The following TENM2 variants were observed in gnomAD, a reference collection of about 807,000 sequenced individuals.
TENM2 encodes teneurin-2.
In TENM2, 52 loss-of-function variants were observed where a neutral mutation model predicts 245.2. The observed-to-expected ratio is 0.21, with a 90% CI of 0.17 to 0.27. The LOEUF is 0.27. Among genes scored for constraint, TENM2 ranks in the 10% least tolerant of loss-of-function variants. TENM2 has a pLI of 1.00. For missense variants in TENM2, 3,046 were observed against 3,666.8 expected (o/e 0.83, Z 4.37); for synonymous variants, 1,363 against 1,438.9 (o/e 0.95, Z 1.19).
chr5:167,080,933 AAG>A, the TENM2 span, among the ~76,000 whole-genome samples: 4 of 152,086 alleles, frequency 2.6e-5, no homozygotes, highest in African/African-American at 9.6e-5. Flanking sequence ...TATTTCTGGA[AAG>A]AGAGTTAATG....
chr5:168,161,532 T>C (rs1229781601), intron 12 of TENM2, among the ~76,000 whole-genome samples: 1 of 152,066 alleles, frequency 6.6e-6, no homozygotes, highest in African/African-American at 2.4e-5. Context: ...GAAAGAAAAA[T>C]GAAAACATGT....
At chr5:167,837,200 C>T (rs906122866) in intron 2 of TENM2, among the ~76,000 whole-genome samples, 2 of 152,000 alleles carry the variant, frequency 1.3e-5, no homozygotes, top group African/African-American at 4.8e-5. Context: ...TATGTAGTTT[C>T]GCCATTGGTT....
intron 3 of TENM2, among the ~76,000 whole-genome samples, chr5:167,921,570 C>T (rs1217423328): frequency 6.6e-6 from 1 of 152,090 alleles, no homozygotes; most frequent in Non-Finnish European, 1.5e-5. Context: ...AATGTATACT[C>T]CCTGAATTAA....
At chr5:167,756,473 C>T (rs976565952) in intron 2 of TENM2, among the ~76,000 whole-genome samples, 4 of 152,124 alleles carry the variant, frequency 2.6e-5, no homozygotes, top group African/African-American at 9.7e-5. Context: ...TAATACCTCT[C>T]ATGAGTCCAG....
chr5:168,107,454 A>T (rs1370178017), intron 9 of TENM2, among the ~76,000 whole-genome samples: 4 of 152,024 alleles, frequency 2.6e-5, no homozygotes, highest in Non-Finnish European at 5.9e-5. Context: ...ATCTGAAGAG[A>T]TTGTTACCAA....
chr5:167,972,984 A>G (rs2151930391), intron 4 of TENM2, among the ~76,000 whole-genome samples: 1 of 151,654 alleles, frequency 6.6e-6, no homozygotes, highest in Non-Finnish European at 1.5e-5. Context: ...GTGATTCAAA[A>G]CTCCTAACCT....
chr5:167,338,906 C>T (rs1757935731), intron 1 of TENM2, among the ~76,000 whole-genome samples: 1 of 152,104 alleles, frequency 6.6e-6, no homozygotes, highest in Non-Finnish European at 1.5e-5. Context: ...TGTTTTAAGT[C>T]ATCAGTTTCA....
At chr5:167,731,030 G>C (rs558060769) in intron 2 of TENM2, among the ~76,000 whole-genome samples, 1 of 152,208 alleles carries the variant, frequency 6.6e-6, no homozygotes, top group African/African-American at 2.4e-5. Context: ...TGTAGATGTG[G>C]ATGCAAGGAT....
intron 2 of TENM2, among the ~76,000 whole-genome samples, chr5:167,784,298 G>T (rs1421001574): frequency 1.3e-5 from 2 of 152,154 alleles, no homozygotes; most frequent in African/African-American, 2.4e-5. Flanking sequence ...GTTGTTTTGG[G>T]GGGTAAAGAA....
At chr5:166,979,245 G>T in the TENM2 span, among the ~76,000 whole-genome samples, 2 of 151,952 alleles carry the variant, frequency 1.3e-5, no homozygotes, top group Non-Finnish European at 2.9e-5. Context: ...AGCCGCCGCG[G>T]CAACATCGAG....
chr5:167,834,661 T>TTTTTTTTTTTTTTTTTTTC (rs1554127838), intron 2 of TENM2, among the ~76,000 whole-genome samples: 1 of 124,802 alleles, frequency 8.0e-6, no homozygotes. Context: ...TTTTTTTTTT[T>TTTTTTTTTTTTTTTTTTTC]CTTTTTGAGA....
chr5:167,379,839 T>C (rs1205621700), intron 2 of TENM2, among the ~76,000 whole-genome samples: 1 of 151,902 alleles, frequency 6.6e-6, no homozygotes, highest in Non-Finnish European at 1.5e-5. Context: ...GGATGATTTC[T>C]TTTCCAGCCA....
At chr5:167,286,486 G>A (rs1043054324) in intron 1 of TENM2, among the ~76,000 whole-genome samples, 4 of 152,208 alleles carry the variant, frequency 2.6e-5, no homozygotes, top group South Asian at 2.1e-4. Context: ...AAGAATCATG[G>A]CTTAATTAAC....
chr5:167,471,691 A>G (rs183383685), intron 2 of TENM2, among the ~76,000 whole-genome samples: 117 of 152,346 alleles, frequency 7.7e-4, no homozygotes, highest in Admixed American at 1.8e-3. Flanking sequence ...AATGTGTCCT[A>G]TGACATTCCC....
At chr5:167,731,941 G>A (rs1045847229) in intron 2 of TENM2, among the ~76,000 whole-genome samples, 1 of 151,824 alleles carries the variant, frequency 6.6e-6, no homozygotes, top group Admixed American at 6.6e-5. Context: ...TTGATGTTTT[G>A]GAAATCAAGT....
At chr5:167,306,201 T>C (rs1341759085) in intron 1 of TENM2, 1 of 152,222 alleles carries the variant, frequency 6.6e-6, no homozygotes, top group Non-Finnish European at 1.5e-5. Context: ...ATTATAGATA[T>C]GAGCAATGGT....
chr5:167,940,546 G>A (rs943433442), intron 3 of TENM2, among the ~76,000 whole-genome samples: 4 of 152,132 alleles, frequency 2.6e-5, no homozygotes, highest in African/African-American at 9.7e-5. Flanking sequence ...TGGAAAGAAT[G>A]AACTACTCAA....
At chr5:168,159,826 G>A (rs1027976187) in intron 12 of TENM2, among the ~76,000 whole-genome samples, 1 of 152,146 alleles carries the variant, frequency 6.6e-6, no homozygotes, top group African/African-American at 2.4e-5. Context: ...TGGTCTGCAG[G>A]GGCAGGTTGG....
rs757229073 is a variant in TENM2 at position 168,199,040 on chromosome 5, A to G, written c.3088A>G (p.Ile1030Val). The G allele has an allele frequency of 2.5e-6, 4 of 1,613,802 alleles. No homozygotes were observed. In the South Asian group the frequency reaches 3.3e-5, roughly 13 times the overall value. The stretch of plus-strand genomic sequence containing the variant: ...CAGTGGCTTTGTCCGGCCTGATCCA[A>G]TCATCATCTCCTCCCCACTGTCCAC... The change falls in exon 16 of 29, where the codon ATC becomes GTC. Residue 1030 changes from isoleucine (I) to valine (V), a missense_variant. Physicochemically the swap from Ile to Val is conservative, Grantham distance 29. Coordinates refer to ENST00000518659, the Ensembl canonical transcript of TENM2.
Sources: gnomAD v4.1 joint callset for allele counts (sites outside exome capture counted in the v4.1 genomes callset) on GRCh38, gnomAD v4.1.1 for gene constraint, MANE v1.5 for transcripts, NCBI Gene and HGNC (gene_info 2026-07-23, HGNC 2026-07-21) for gene names.